Variants in DIP2B observed in about 807,000 individuals in gnomAD.
DIP2B encodes the protein DIP2 acetate--CoA ligase B (putative), also known as disco-interacting protein 2 homolog B.
In DIP2B, 76 loss-of-function variants were observed where a neutral mutation model predicts 198.0. The observed-to-expected ratio is 0.38, with a 90% confidence interval of 0.32 to 0.46. The LOEUF (loss-of-function observed/expected upper bound fraction) is 0.46, where lower values mean the gene tolerates loss of function less well. Ranked by LOEUF, DIP2B falls within the 20% of genes least tolerant of loss-of-function variation. The pLI is 0.99. For missense variants in DIP2B, 1,559 were observed against 1,978.4 expected, an observed-to-expected ratio of 0.79 and a Z score of 4.02; for synonymous variants, 701 against 739.1, an observed-to-expected ratio of 0.95 and a Z score of 0.84.
intron 2 of DIP2B, 44 bp downstream of exon 2, chr12:50,626,091 C>A (rs778254588): frequency 1.9e-6 from 3 of 1,573,196 alleles, no homozygotes; most frequent in Non-Finnish European, 2.6e-6. Flanking sequence ...TATTTTTACA[C>A]CAAAAGATGC....
intron 1 of DIP2B, among the ~76,000 whole-genome samples, chr12:50,614,267 C>A (rs1039403658): frequency 1.3e-5 from 2 of 152,036 alleles, no homozygotes; most frequent in African/African-American, 4.8e-5. Flanking sequence ...CTCATCTTCT[C>A]CTCTCTGCCT....
rs188089412 is a variant in DIP2B at position 50,725,402 on chromosome 12, C to T, written c.3400+516C>T. Among the ~76,000 whole-genome samples the T allele has an allele frequency of 1.6e-3, 240 of 152,220 alleles. 6 individuals carry two copies. In the Middle Eastern group the frequency reaches 0.027, roughly 17 times the overall value. Reference sequence around the variant, plus strand: ...TGCAGTATAATATGAAAATGCTATACTTCGAAAGCCATAAAGTGCAGAATT... The same window carrying T: ...TGCAGTATAATATGAAAATGCTATATTTCGAAAGCCATAAAGTGCAGAATT... On this transcript the variant is annotated intron_variant, in intron 28 of 37. Transcript: ENST00000301180.
intron 20 of DIP2B, among the ~76,000 whole-genome samples, chr12:50,706,210 A>C (rs1253319760): frequency 6.6e-6 from 1 of 152,216 alleles, no homozygotes; most frequent in African/African-American, 2.4e-5. Flanking sequence ...AACATAAGCA[A>C]ACTAACACAT....
intron 1 of DIP2B, among the ~76,000 whole-genome samples, chr12:50,591,967 T>C (rs978700188): frequency 6.6e-6 from 1 of 151,592 alleles, no homozygotes; most frequent in Middle Eastern, 3.2e-3. Flanking sequence ...AACCTCTGCC[T>C]CCCGGGTTCA....
At chr12:50,576,539 C>T (rs1056382151) in intron 1 of DIP2B, among the ~76,000 whole-genome samples, 1 of 151,788 alleles carries the variant, frequency 6.6e-6, no homozygotes, top group African/African-American at 2.4e-5. Context: ...AGTGCAGTGG[C>T]GCGATCTCGG....
At chr12:50,561,894 C>T (rs1958522384) in intron 1 of DIP2B, among the ~76,000 whole-genome samples, 1 of 152,178 alleles carries the variant, frequency 6.6e-6, no homozygotes, top group Non-Finnish European at 1.5e-5. Flanking sequence ...CAGGCATGAA[C>T]CACCATGCCT....
chr12:50,594,586 C>T (rs1052770418), intron 1 of DIP2B, among the ~76,000 whole-genome samples: 3 of 152,058 alleles, frequency 2.0e-5, no homozygotes, highest in Non-Finnish European at 4.4e-5. Context: ...ACGTGTATTA[C>T]CTCATATGAT....
At chr12:50,543,761 T>C (rs1022646733) in intron 1 of DIP2B, among the ~76,000 whole-genome samples, 1 of 151,070 alleles carries the variant, frequency 6.6e-6, no homozygotes, top group African/African-American at 2.4e-5. Flanking sequence ...CTGTCTCTAC[T>C]AATAATACAA....
At chr12:50,563,425 A>G (rs1273158760) in intron 1 of DIP2B, among the ~76,000 whole-genome samples, 1 of 150,674 alleles carries the variant, frequency 6.6e-6, no homozygotes, top group African/African-American at 2.4e-5. Context: ...GGACTCAAGC[A>G]ATCTGCCTGC....
chr12:50,732,214 C>A, intron 31 of DIP2B, 152 bp from the exon 32 acceptor site: 1 of 803,098 alleles, frequency 1.2e-6, no homozygotes, highest in South Asian at 2.1e-5. Context: ...TCCGTTTCTT[C>A]TTTTCTGAAA....
intron 1 of DIP2B, among the ~76,000 whole-genome samples, chr12:50,576,229 C>G (rs1023038888): frequency 1.3e-5 from 2 of 151,686 alleles, no homozygotes; most frequent in African/African-American, 4.8e-5. Context: ...GCCACCATGC[C>G]TGGCTAATTT....
At chr12:50,537,900 C>T (rs1019444322) in intron 1 of DIP2B, among the ~76,000 whole-genome samples, 5 of 152,188 alleles carry the variant, frequency 3.3e-5, no homozygotes, top group Admixed American at 2.6e-4. Context: ...TTGTCAGTTA[C>T]AGTCCTGTGG....
Position 50,671,189 on chromosome 12 carries a change from C to T in DIP2B, c.431C>T (p.Thr144Ile), listed in dbSNP as rs749601120. 8.7e-6 allele frequency: 14 copies of T among 1,614,068 alleles called. No individual in the cohort carries two copies. In the South Asian group the frequency reaches 1.1e-4, roughly 13 times the overall value. ...SPADACTPPD[T>I]SSASEDEGSL... The stretch of plus-strand genomic sequence containing the variant: ...CTTTTTTTCTAATTCCACACAGACA[C>T]ATCTTCGGCCTCTGAGGATGAGGGC... The change falls in exon 5 of 38, where the codon ACA (threonine) becomes ATA (isoleucine). Residue 144 changes from threonine (T) to isoleucine (I), a missense_variant. Coordinates refer to ENST00000301180, the MANE Select transcript of DIP2B (RefSeq NM_173602.3).
At chr12:50,582,014 G>A (rs1162706094) in intron 1 of DIP2B, among the ~76,000 whole-genome samples, 2 of 152,148 alleles carry the variant, frequency 1.3e-5, no homozygotes, top group African/African-American at 4.8e-5. Context: ...GGCAGCCCTG[G>A]ACCTGGGCAG....
intron 17 of DIP2B, among the ~76,000 whole-genome samples, chr12:50,697,964 C>T (rs187197529): frequency 6.6e-6 from 1 of 152,018 alleles, no homozygotes; most frequent in Admixed American, 6.6e-5. Context: ...CACAGTGACA[C>T]GATCATTGTA....
chr12:50,565,225 G>A (rs904340482), intron 1 of DIP2B, among the ~76,000 whole-genome samples: 5 of 151,924 alleles, frequency 3.3e-5, no homozygotes, highest in Admixed American at 1.3e-4. Context: ...TTGAACTCCT[G>A]GGCTCAAATG....
At chr12:50,687,678 G>A (rs1592128146) in intron 12 of DIP2B, among the ~76,000 whole-genome samples, 1 of 152,092 alleles carries the variant, frequency 6.6e-6, no homozygotes, top group East Asian at 1.9e-4. Flanking sequence ...AATGGGAGTT[G>A]AACAATAGGA....
intron 1 of DIP2B, among the ~76,000 whole-genome samples, chr12:50,621,752 G>A (rs969970137): frequency 2.0e-5 from 3 of 152,212 alleles, no homozygotes; most frequent in African/African-American, 4.8e-5. Flanking sequence ...ACAGGGTCTT[G>A]TAGTCAGAAA....
chr12:50,583,414 T>C (rs1958742897), intron 1 of DIP2B, among the ~76,000 whole-genome samples: 1 of 152,108 alleles, frequency 6.6e-6, no homozygotes, highest in South Asian at 2.1e-4. Context: ...CCTCCATTGG[T>C]GCTGAGCACC....
Sources: allele counts gnomAD v4.1 joint callset (sites outside exome capture counted in the v4.1 genomes callset), GRCh38; gene constraint gnomAD v4.1.1; transcripts MANE v1.5; gene names NCBI Gene and HGNC (gene_info 2026-07-23, HGNC 2026-07-21).